The following KRT8 variants were observed in gnomAD, a reference collection of about 807,000 sequenced individuals.
The protein encoded by KRT8 is keratin 8.
In KRT8, 24 loss-of-function variants were observed where a neutral mutation model predicts 43.0. That is an observed-to-expected ratio of 0.56 (90% CI 0.40 to 0.78). The LOEUF is 0.78. Ranked by LOEUF, KRT8 falls within the 30% of genes least tolerant of loss-of-function variation. The pLI is 0.00. For synonymous variants in KRT8, 214 were observed against 261.2 expected, an observed-to-expected ratio of 0.82 and a Z score of 1.74; for missense variants, 492 against 638.4, an observed-to-expected ratio of 0.77 and a Z score of 2.47.
chr12:52,943,195 TC>T (rs1276907652), intron 2 of KRT8, among the ~76,000 whole-genome samples: 2 of 152,192 alleles, frequency 1.3e-5, no homozygotes, highest in African/African-American at 4.8e-5. Context: ...TCCCGATTTC[TC>T]CTGTCCGTCG....
At chr12:52,929,260 C>T (rs1464790627) in intron 2 of KRT8, among the ~76,000 whole-genome samples, 2 of 148,902 alleles carry the variant, frequency 1.3e-5, no homozygotes, top group Non-Finnish European at 3.0e-5. Flanking sequence ...ATCTCGATCT[C>T]AGCTCACTGC....
chr12:52,949,266 C>G, intron 2 of KRT8: 1 of 1,611,014 alleles, frequency 6.2e-7, no homozygotes, highest in Non-Finnish European at 8.5e-7. Flanking sequence ...CGGTCAGCAG[C>G]GCGGCCAGCG....
chr12:52,949,536 C>G, exon 2 of KRT8: 1 of 1,613,726 alleles, frequency 6.2e-7, no homozygotes, highest in Non-Finnish European at 8.5e-7. Context: ...AGAAGGGACC[C>G]CAGGTCAGAG....
intron 2 of KRT8, among the ~76,000 whole-genome samples, chr12:52,918,029 GGAGGAGGAGAAGAA>G (rs1565725282): frequency 4.3e-5 from 2 of 46,610 alleles, no homozygotes; most frequent in East Asian, 3.2e-4. Flanking sequence ...AAGAAGAAGA[GGAGGAGGAGAAGAA>G]GAAGAAGAGG....
intron 2 of KRT8, among the ~76,000 whole-genome samples, chr12:52,927,534 G>A (rs1194390449): frequency 6.6e-6 from 1 of 152,220 alleles, no homozygotes; most frequent in African/African-American, 2.4e-5. Flanking sequence ...AGGGCTGGGA[G>A]CAAAGGTCCT....
intron 2 of KRT8, among the ~76,000 whole-genome samples, chr12:52,921,006 T>A (rs1350553697): frequency 6.6e-6 from 1 of 152,194 alleles, no homozygotes; most frequent in African/African-American, 2.4e-5. Flanking sequence ...TTCCCTGGTC[T>A]CTAAGGACTA....
intron 2 of KRT8, among the ~76,000 whole-genome samples, chr12:52,914,997 T>G (rs997028181): frequency 6.6e-6 from 1 of 152,084 alleles, no homozygotes; most frequent in Non-Finnish European, 1.5e-5. Flanking sequence ...TAGAATACTA[T>G]CATGTTGACT....
At chr12:52,905,134 G>C (rs1173034446), upstream of KRT8, 14 of 1,398,360 alleles carry the variant, frequency 1.0e-5, 1 homozygote, top group Non-Finnish European at 1.3e-5. Context: ...CCTCGTACCT[G>C]AGTGGCTAGG....
At chr12:52,919,482 G>T (rs914010080) in intron 2 of KRT8, among the ~76,000 whole-genome samples, 4 of 151,828 alleles carry the variant, frequency 2.6e-5, no homozygotes, top group African/African-American at 9.7e-5. Flanking sequence ...TGACCAGGCT[G>T]GTCCCAAACT....
chr12:52,920,655 C>A (rs1332069134), intron 2 of KRT8, among the ~76,000 whole-genome samples: 1 of 152,154 alleles, frequency 6.6e-6, no homozygotes, highest in African/African-American at 2.4e-5. Flanking sequence ...ATGTTGTTGA[C>A]CGTCACATCC....
chr12:52,917,733 G>A (rs537436542), intron 2 of KRT8, among the ~76,000 whole-genome samples: 14 of 125,240 alleles, frequency 1.1e-4, no homozygotes, highest in African/African-American at 1.2e-4. Context: ...AAAAAAATTC[G>A]CCAGGCGTTG....
At chr12:52,927,476 GTTTGTCCCAAACTAAGGGGTGGCCAT>G (rs1942013495) in intron 2 of KRT8, among the ~76,000 whole-genome samples, 1 of 152,226 alleles carries the variant, frequency 6.6e-6, no homozygotes. Context: ...GAAGAGCTCT[GTTTGTCCCAAACTAAGGGGTGGCCAT>G]GGCAACAAGG....
intron 2 of KRT8, among the ~76,000 whole-genome samples, chr12:52,942,574 G>T (rs796243826): frequency 2.0e-5 from 3 of 152,122 alleles, no homozygotes; most frequent in Admixed American, 6.6e-5. Context: ...TCAGTCCCGG[G>T]CTTCCTCCTT....
chr12:52,934,158 G>A (rs969875849), intron 2 of KRT8, among the ~76,000 whole-genome samples: 26 of 151,958 alleles, frequency 1.7e-4, no homozygotes, highest in African/African-American at 6.3e-4. Flanking sequence ...GAACCCAGGA[G>A]GCGGAGGTTG....
intron 2 of KRT8, among the ~76,000 whole-genome samples, chr12:52,922,870 T>C (rs1421338798): frequency 6.6e-6 from 1 of 152,146 alleles, no homozygotes; most frequent in Non-Finnish European, 1.5e-5. Flanking sequence ...AGGCAGACAG[T>C]CTGGGAGATG....
At chr12:52,945,811 G>C (rs1197752790) in intron 2 of KRT8, among the ~76,000 whole-genome samples, 1 of 151,984 alleles carries the variant, frequency 6.6e-6, no homozygotes, top group Non-Finnish European at 1.5e-5. Flanking sequence ...TCTCACCAGG[G>C]CCCCTCCTGC....
At chr12:52,914,533 G>A (rs780470899) in intron 2 of KRT8, among the ~76,000 whole-genome samples, 1 of 152,054 alleles carries the variant, frequency 6.6e-6, no homozygotes, top group Non-Finnish European at 1.5e-5. Context: ...GTGAAACTCC[G>A]TCTCAAAAAC....
At chr12:52,920,545 T>C (rs1478205280) in intron 2 of KRT8, among the ~76,000 whole-genome samples, 1 of 151,988 alleles carries the variant, frequency 6.6e-6, no homozygotes, top group African/African-American at 2.4e-5. Context: ...TGGGGTGAGC[T>C]GAGATTGTGC....
In KRT8 at chr12:52,932,196, T is replaced by A. The variant is rs1306149920; in HGVS notation, c.-47+17260A>T. 1.7e-4 allele frequency among the ~76,000 whole-genome samples: 25 copies of A among 149,126 alleles called. No homozygotes were observed. The Admixed American group carries it at 1.7e-3, about 10-fold the overall frequency. ...GCAACCTCCACCCTCTGGGTTCAAG[T>A]GCCTGCCTCAGCCTCCTGTGTAGCT... On this transcript the variant is annotated intron_variant, in intron 2 of 6. Coordinates refer to the KRT8 transcript ENST00000546826.
Sources: gnomAD v4.1 joint callset for allele counts (sites outside exome capture counted in the v4.1 genomes callset) on GRCh38, gnomAD v4.1.1 for gene constraint, MANE v1.5 for transcripts, NCBI Gene and HGNC (gene_info 2026-07-23, HGNC 2026-07-21) for gene names.